GRID1: variants seen among roughly 807,000 people sequenced by gnomAD.
The protein encoded by GRID1 is glutamate ionotropic receptor delta type subunit 1, also known as glutamate receptor ionotropic, delta-1.
A neutral mutation model predicts 98.0 loss-of-function variants in GRID1; 28 were observed. The observed-to-expected ratio is 0.29, with a 90% CI of 0.21 to 0.39. GRID1 has a LOEUF of 0.39. GRID1 is among the 10% of genes least tolerant of loss of function. GRID1 has a pLI of 1.00. For missense variants in GRID1, 1,111 were observed against 1,340.5 expected (o/e 0.83, Z 2.67); for synonymous variants, 553 against 538.5 (o/e 1.03, Z -0.37).
At chr10:85,686,091 C>T (rs1167518041) in intron 12 of GRID1, among the ~76,000 whole-genome samples, 1 of 151,978 alleles carries the variant, frequency 6.6e-6, no homozygotes, top group Non-Finnish European at 1.5e-5. Context: ...AAGAATAATG[C>T]TTCAAGGAAG....
At chr10:86,142,690 C>G (rs1051079421) in intron 3 of GRID1, among the ~76,000 whole-genome samples, 1 of 152,214 alleles carries the variant, frequency 6.6e-6, no homozygotes, top group Non-Finnish European at 1.5e-5. Context: ...CCTTTCTGCA[C>G]GTTTACATAA....
At chr10:86,021,876 G>A (rs1260860035) in intron 4 of GRID1, among the ~76,000 whole-genome samples, 1 of 152,184 alleles carries the variant, frequency 6.6e-6, no homozygotes, top group Non-Finnish European at 1.5e-5. Flanking sequence ...GTCTGCAAAG[G>A]GCTTACTAGC....
intron 2 of GRID1, among the ~76,000 whole-genome samples, chr10:86,281,419 C>A (rs1464824123): frequency 1.3e-5 from 2 of 152,160 alleles, no homozygotes; most frequent in Non-Finnish European, 2.9e-5. Flanking sequence ...GAATTTCTCA[C>A]CAGAGCTGTC....
At chr10:85,726,004 A>T (rs1841756509) in intron 10 of GRID1, among the ~76,000 whole-genome samples, 3 of 152,216 alleles carry the variant, frequency 2.0e-5, no homozygotes, top group Non-Finnish European at 2.9e-5. Flanking sequence ...ACAAGACAAA[A>T]TGAAGGGAAA....
intron 6 of GRID1, among the ~76,000 whole-genome samples, chr10:85,862,367 AG>A (rs1158929642): frequency 6.6e-6 from 1 of 152,236 alleles, no homozygotes; most frequent in Admixed American, 6.5e-5. Context: ...TTTGCAAAAA[AG>A]ATGCCTCTTC....
rs1042713238 is a variant in GRID1 at position 85,852,523 on chromosome 10, C to T, written c.1233+1973G>A. Among the ~76,000 whole-genome samples the T allele has an allele frequency of 1.3e-5, 2 of 152,204 alleles. 1 individual carries two copies. The highest frequency in any genetic ancestry group is 1.3e-4 in the Admixed American group (2 of 15,280). On this transcript the variant is annotated intron_variant, in intron 8 of 15. Transcript: ENST00000327946. ...GGGACCTCCACAGCCAGCATTCCCA[C>T]CAAAAGAAGTAGGTGGGAGACGGAA...
chr10:86,030,067 A>T (rs905084078), intron 4 of GRID1, among the ~76,000 whole-genome samples: 1 of 152,240 alleles, frequency 6.6e-6, no homozygotes, highest in African/African-American at 2.4e-5. Flanking sequence ...TCTTCTCTTT[A>T]AAGAAGGGAT....
intron 4 of GRID1, among the ~76,000 whole-genome samples, chr10:86,101,047 C>T (rs1844288849): frequency 1.3e-5 from 2 of 151,944 alleles, no homozygotes; most frequent in African/African-American, 2.4e-5. Flanking sequence ...AGAGAAGGGG[C>T]TCGTGACTAT....
intron 2 of GRID1, among the ~76,000 whole-genome samples, chr10:86,286,214 A>C (rs1406025835): frequency 2.0e-5 from 3 of 151,838 alleles, no homozygotes; most frequent in Non-Finnish European, 4.4e-5. Context: ...TAGTTATAGG[A>C]TCATCTTGTT....
At chr10:86,089,931 G>C (rs1844120576) in intron 4 of GRID1, among the ~76,000 whole-genome samples, 1 of 152,046 alleles carries the variant, frequency 6.6e-6, no homozygotes, top group South Asian at 2.1e-4. Flanking sequence ...ATTTTTAGTA[G>C]AGATGGAGTT....
In GRID1 at chr10:86,037,156, A is replaced by G. The variant is rs552477554; in HGVS notation, c.726+101663T>C. Reference sequence around the variant, plus strand: ...AGAAATATCATCGAACCTGCCGTCCAAGCTTTGAGCAACAAAGGTACTTGC... The same window carrying G: ...AGAAATATCATCGAACCTGCCGTCCGAGCTTTGAGCAACAAAGGTACTTGC... On this transcript the variant is annotated intron_variant, in intron 4 of 15. Coordinates refer to ENST00000327946, the MANE Select transcript of GRID1 (RefSeq NM_017551.3). Among the ~76,000 whole-genome samples, 4 of 152,368 alleles carry G rather than the reference A, an allele frequency of 2.6e-5. No individual in the cohort carries two copies. The East Asian group carries it at 7.7e-4, about 29-fold the overall frequency.
intron 12 of GRID1, among the ~76,000 whole-genome samples, chr10:85,704,587 A>C (rs1003306431): frequency 6.6e-6 from 1 of 152,198 alleles, no homozygotes; most frequent in Non-Finnish European, 1.5e-5. Context: ...AAGGATATCC[A>C]GGAATTGAAC....
intron 12 of GRID1, among the ~76,000 whole-genome samples, chr10:85,648,385 C>CA (rs1843224583): frequency 6.6e-6 from 1 of 152,090 alleles, no homozygotes; most frequent in Admixed American, 6.5e-5. Context: ...AACAGAATTG[C>CA]AAAATAAAAA....
intron 2 of GRID1, among the ~76,000 whole-genome samples, chr10:86,318,440 C>T (rs964686842): frequency 1.3e-5 from 2 of 152,258 alleles, no homozygotes; most frequent in African/African-American, 4.8e-5. Flanking sequence ...TGCCCTCTGC[C>T]TGCCAGGGCC....
intron 4 of GRID1, among the ~76,000 whole-genome samples, chr10:86,057,515 T>C (rs993990022): frequency 1.3e-5 from 2 of 152,188 alleles, no homozygotes; most frequent in Non-Finnish European, 2.9e-5. Context: ...CACCCTGCAG[T>C]CTCAACCTTT....
chr10:86,299,868 G>C (rs890868653), intron 2 of GRID1, among the ~76,000 whole-genome samples: 1 of 152,106 alleles, frequency 6.6e-6, no homozygotes, highest in Non-Finnish European at 1.5e-5. Context: ...ACTGAAATTC[G>C]GCACTGCTGA....
At chr10:86,284,845 T>G (rs1006535774) in intron 2 of GRID1, among the ~76,000 whole-genome samples, 14 of 152,182 alleles carry the variant, frequency 9.2e-5, no homozygotes, top group African/African-American at 3.4e-4. Flanking sequence ...CAGTGGGCAC[T>G]GTGGTATAGG....
chr10:86,261,217 T>C (rs947962707), intron 2 of GRID1, among the ~76,000 whole-genome samples: 4 of 152,116 alleles, frequency 2.6e-5, no homozygotes, highest in Non-Finnish European at 4.4e-5. Flanking sequence ...ACTTGCAAAA[T>C]AACAGGACAG....
chr10:86,175,529 C>T (rs1376935149), intron 3 of GRID1, among the ~76,000 whole-genome samples: 1 of 152,082 alleles, frequency 6.6e-6, no homozygotes, highest in Non-Finnish European at 1.5e-5. Flanking sequence ...TCTCTCGAAC[C>T]CACCCCATCT....
Sources: allele counts gnomAD v4.1 joint callset (sites outside exome capture counted in the v4.1 genomes callset), GRCh38; gene constraint gnomAD v4.1.1; transcripts MANE v1.5; gene names NCBI Gene and HGNC (gene_info 2026-07-23, HGNC 2026-07-21).